GTF3C2: variants seen among roughly 807,000 people sequenced by gnomAD.
GTF3C2 encodes general transcription factor 3C polypeptide 2.
Under a neutral mutation model 117.4 loss-of-function variants are expected in GTF3C2, and 17 were observed. The observed-to-expected ratio is 0.14, with a 90% CI of 0.10 to 0.22. The LOEUF is 0.22. Ranked by LOEUF, GTF3C2 falls within the 10% of genes least tolerant of loss-of-function variation. The probability of loss-of-function intolerance (pLI) is 1.00; values close to 1 mark genes in which losing one functional copy is unlikely to be tolerated. For missense variants in GTF3C2, 888 were observed against 1,143.6 expected, an observed-to-expected ratio of 0.78 and a Z score of 3.22; for synonymous variants, 437 against 427.0, an observed-to-expected ratio of 1.02 and a Z score of -0.29.
chr2:27,333,158 C>CTTTT (rs1199330474), intron 12 of GTF3C2, among the ~76,000 whole-genome samples: 3 of 130,172 alleles, frequency 2.3e-5, no homozygotes, highest in Non-Finnish European at 1.6e-5. Context: ...GGCATCTACT[C>CTTTT]TTTTTTTTTT....
At chr2:27,342,147 C>T (rs1159878064) in exon 4 of GTF3C2, 1 of 1,614,180 alleles carries the variant, frequency 6.2e-7, no homozygotes, top group South Asian at 1.1e-5. Context: ...GGTGGGGCTG[C>T]TCACCTTGGG....
intron 4 of GTF3C2, among the ~76,000 whole-genome samples, chr2:27,341,151 T>A (rs545856268): frequency 1.3e-5 from 2 of 152,286 alleles, no homozygotes; most frequent in East Asian, 3.9e-4. Flanking sequence ...TTCTCCTGTC[T>A]CAGCCTCCCA....
At chr2:27,328,665 C>T (rs573022900) in intron 15 of GTF3C2, 69 bp from the exon 16 acceptor site, 1 of 1,336,154 alleles carries the variant, frequency 7.5e-7, no homozygotes, top group East Asian at 2.3e-5. Context: ...AACAGCTGCA[C>T]AGTCTGAGAG....
chr2:27,327,284 C>T (rs1486025909), exon 18 of GTF3C2: 5 of 1,528,552 alleles, frequency 3.3e-6, no homozygotes, highest in Non-Finnish European at 4.5e-6. Context: ...TGGAATGAAC[C>T]CTGGGGAAGG....
At chr2:27,327,656 T>A (rs1432015201) in intron 17 of GTF3C2, among the ~76,000 whole-genome samples, 1 of 116,788 alleles carries the variant, frequency 8.6e-6, no homozygotes, top group Non-Finnish European at 1.7e-5. Context: ...TGAGACGGAG[T>A]CTTGCTGCGT....
At chr2:27,339,395 G>C (rs1680632431) in intron 4 of GTF3C2, among the ~76,000 whole-genome samples, 1 of 128,272 alleles carries the variant, frequency 7.8e-6, no homozygotes, top group South Asian at 2.5e-4. Context: ...GGCAATAAGA[G>C]CGAAACTCCG....
chr2:27,328,722 T>C, intron 15 of GTF3C2, 122 bp downstream of exon 15: 1 of 1,059,526 alleles, frequency 9.4e-7, no homozygotes, highest in Non-Finnish European at 1.4e-6. Context: ...ACAGCCCTGA[T>C]GATAGAGTTA....
intron 1 of GTF3C2, among the ~76,000 whole-genome samples, chr2:27,344,435 G>C (rs1458151909): frequency 6.6e-6 from 1 of 152,064 alleles, no homozygotes; most frequent in African/African-American, 2.4e-5. Context: ...ATGAAGCAGT[G>C]AATGCACAAT....
At chr2:27,354,691 G>A (rs1166461209) in intron 1 of GTF3C2, among the ~76,000 whole-genome samples, 4 of 151,790 alleles carry the variant, frequency 2.6e-5, no homozygotes, top group Non-Finnish European at 1.5e-5. Flanking sequence ...AGAGGCAGAG[G>A]GAGAGGTTGC....
intron 8 of GTF3C2, 55 bp downstream of exon 8, chr2:27,336,143 C>T: frequency 6.9e-7 from 1 of 1,455,832 alleles, no homozygotes; most frequent in Non-Finnish European, 9.6e-7. Context: ...CCTGTCCAGA[C>T]CCCATCCTGC....
At chr2:27,326,930 T>G in intron 18 of GTF3C2, 37 bp from the exon 19 acceptor site, 1 of 1,377,936 alleles carries the variant, frequency 7.3e-7, no homozygotes, top group Non-Finnish European at 1.0e-6. Context: ...GAGATGCTCA[T>G]GGGTGGTGCT....
chr2:27,341,721 T>C (rs1405277684), intron 4 of GTF3C2: 1 of 541,678 alleles, frequency 1.8e-6, no homozygotes, highest in Non-Finnish European at 3.3e-6. Context: ...TTGTGTTTCC[T>C]AACAGAGAAC....
At chr2:27,335,377 G>T (rs1210487799) in intron 10 of GTF3C2, 1 of 680,614 alleles carries the variant, frequency 1.5e-6, no homozygotes, top group African/African-American at 1.8e-5. Flanking sequence ...AGGGAAGAAG[G>T]GGGAGATAAA....
chr2:27,348,041 C>G (rs970315174), intron 1 of GTF3C2, among the ~76,000 whole-genome samples: 3 of 152,146 alleles, frequency 2.0e-5, no homozygotes, highest in African/African-American at 4.8e-5. Context: ...GAGGCCCGGA[C>G]GGGCCAATCA....
chr2:27,343,624 T>G, intron 1 of GTF3C2, 46 bp from the exon 2 acceptor site: 1 of 1,501,038 alleles, frequency 6.7e-7, no homozygotes, highest in Non-Finnish European at 9.2e-7. Context: ...AAACTATTTG[T>G]ACTAGCTCAG....
At chr2:27,327,996 C>T in intron 17 of GTF3C2, 41 bp downstream of exon 17, 1 of 1,555,448 alleles carries the variant, frequency 6.4e-7, no homozygotes, top group Non-Finnish European at 8.7e-7. Context: ...AAGTTTTCTA[C>T]CTTTTCTAAT....
intron 6 of GTF3C2, 39 bp from the exon 7 acceptor site, chr2:27,337,381 G>A: frequency 6.6e-7 from 1 of 1,512,994 alleles, no homozygotes; most frequent in Non-Finnish European, 9.2e-7. Context: ...ATTTGGAAGT[G>A]TTTCACCCAT....
In GTF3C2 at chr2:27,346,884, T is replaced by C. The variant is rs547779282; in HGVS notation, c.-24-3306A>G. ...TACGTTTTTAATTTTTTTGTGCAGA[T>C]TGGGTCTTGCTATTTTGCCCAGGCT... On this transcript the variant is annotated intron_variant, in intron 1 of 18. Transcript: ENST00000264720. Among the ~76,000 whole-genome samples, 6 of 151,940 alleles carry C rather than the reference T, an allele frequency of 3.9e-5. No homozygotes were observed. In the South Asian group the frequency reaches 1.2e-3, roughly 32 times the overall value.
intron 17 of GTF3C2, among the ~76,000 whole-genome samples, chr2:27,327,624 CTTT>C (rs918684500): frequency 3.2e-5 from 3 of 92,584 alleles, no homozygotes; most frequent in African/African-American, 5.6e-5. Flanking sequence ...ACGCCTGGCC[CTTT>C]TTTTTTTTTT....
Sources: gnomAD v4.1 joint callset for allele counts (sites outside exome capture counted in the v4.1 genomes callset) on GRCh38, gnomAD v4.1.1 for gene constraint, MANE v1.5 for transcripts, NCBI Gene and HGNC (gene_info 2026-07-23, HGNC 2026-07-21) for gene names.